Variants in STK40 observed in about 807,000 individuals in gnomAD.
STK40 encodes serine/threonine kinase 40, also known as serine/threonine-protein kinase 40.
A neutral mutation model predicts 47.9 loss-of-function variants in STK40; 13 were observed. That is an observed-to-expected ratio of 0.27 (90% CI 0.18 to 0.43). The LOEUF (loss-of-function observed/expected upper bound fraction) is 0.43. Among genes scored for constraint, STK40 ranks in the 20% least tolerant of loss-of-function variants. The pLI is 1.00. For missense variants in STK40, 460 were observed against 595.1 expected, an observed-to-expected ratio of 0.77 and a Z score of 2.36; for synonymous variants, 225 against 243.2, an observed-to-expected ratio of 0.93 and a Z score of 0.69.
intron 1 of STK40, among the ~76,000 whole-genome samples, chr1:36,381,485 C>T (rs1647038759): frequency 6.6e-6 from 1 of 152,038 alleles, no homozygotes; most frequent in South Asian, 2.1e-4. Context: ...CGATCCAATT[C>T]AAGTTCTTTT....
At position 36,343,969 on chromosome 1, in the gene STK40, C is replaced by T. The variant is rs1646677090; in HGVS notation, c.895G>A (p.Val299Ile). 5.6e-6 allele frequency: 9 copies of T among 1,602,770 alleles called. No individual in the cohort carries two copies. The highest frequency in any genetic ancestry group is 6.8e-6 in the Non-Finnish European group (8 of 1,171,842). The part of the protein sequence containing the change: ...AEYTIPEDGR[V>I]SENTVCLIRK... ...ATGAGACACACGGTGTTCTCAGAAACCCGTCCATCCCTGAGGCAGGGAGTT... is the reference window on the plus strand; with the variant it reads ...ATGAGACACACGGTGTTCTCAGAAATCCGTCCATCCCTGAGGCAGGGAGTT... Residue 299 changes from valine (V) to isoleucine (I), a missense_variant, in exon 9 of 11, where the codon GTT (valine) becomes ATT (isoleucine). Transcript: ENST00000373132.
chr1:36,355,165 T>C (rs773068664), intron 5 of STK40, 41 bp downstream of exon 5: 3 of 1,601,272 alleles, frequency 1.9e-6, no homozygotes, highest in East Asian at 2.2e-5. Flanking sequence ...GAAAGGTGGC[T>C]TTCTGTGGCC....
intron 4 of STK40, among the ~76,000 whole-genome samples, 166 bp downstream of exon 4, chr1:36,358,073 C>G (rs552238370): frequency 6.6e-6 from 1 of 152,342 alleles, no homozygotes; most frequent in African/African-American, 2.4e-5. Context: ...CCCAGCCTGA[C>G]TTCCAGCCCA....
At chr1:36,377,743 A>G (rs893941495) in intron 1 of STK40, among the ~76,000 whole-genome samples, 1 of 152,174 alleles carries the variant, frequency 6.6e-6, no homozygotes, top group Non-Finnish European at 1.5e-5. Flanking sequence ...ATAGGCTGCA[A>G]ACATGCCTAT....
intron 4 of STK40, among the ~76,000 whole-genome samples, chr1:36,357,761 T>A (rs1198665276): frequency 6.6e-6 from 1 of 152,016 alleles, no homozygotes; most frequent in East Asian, 1.9e-4. Flanking sequence ...GGACTACAGG[T>A]GTGCGCCGCC....
chr1:36,346,988 A>G (rs1236890762), intron 7 of STK40, among the ~76,000 whole-genome samples: 1 of 152,184 alleles, frequency 6.6e-6, no homozygotes, highest in African/African-American at 2.4e-5. Flanking sequence ...CCCAGGAGTT[A>G]GGGTATACCC....
chr1:36,358,959 TCTC>T (rs1646829216), intron 2 of STK40, 137 bp from the exon 3 acceptor site: 16 of 872,092 alleles, frequency 1.8e-5, no homozygotes, highest in Non-Finnish European at 2.6e-5. Flanking sequence ...CCCTCCAAGG[TCTC>T]CTGGTGGAGA....
chr1:36,344,490 C>A (rs1348553130), intron 7 of STK40, among the ~76,000 whole-genome samples: 3 of 152,228 alleles, frequency 2.0e-5, no homozygotes, highest in Non-Finnish European at 2.9e-5. Flanking sequence ...CCTGCCCCGC[C>A]CGGCCAGATG....
At chr1:36,364,212 TG>T (rs1646882028) in intron 1 of STK40, among the ~76,000 whole-genome samples, 1 of 152,186 alleles carries the variant, frequency 6.6e-6, no homozygotes, top group Non-Finnish European at 1.5e-5. Context: ...TGTCTCCCTC[TG>T]GATAAATTCC....
chr1:36,362,907 A>G (rs1351213555), intron 1 of STK40, among the ~76,000 whole-genome samples: 1 of 152,136 alleles, frequency 6.6e-6, no homozygotes, highest in African/African-American at 2.4e-5. Context: ...TTTAATCCCA[A>G]CACTTAGGGA....
chr1:36,356,356 G>A (rs948656478), intron 4 of STK40, among the ~76,000 whole-genome samples: 1 of 151,896 alleles, frequency 6.6e-6, no homozygotes, highest in African/African-American at 2.4e-5. Flanking sequence ...GTCATGCGGG[G>A]TAGACTGACT....
At chr1:36,380,358 C>A (rs562276196) in intron 1 of STK40, among the ~76,000 whole-genome samples, 1 of 152,336 alleles carries the variant, frequency 6.6e-6, no homozygotes, top group East Asian at 1.9e-4. Flanking sequence ...TCACTATAGT[C>A]CAATCCAGCT....
At chr1:36,372,441 A>G (rs1275990912) in intron 1 of STK40, among the ~76,000 whole-genome samples, 2 of 151,336 alleles carry the variant, frequency 1.3e-5, no homozygotes, top group African/African-American at 4.9e-5. Context: ...AAAAAAAAAA[A>G]AAAAAAAGAA....
chr1:36,373,768 T>C (rs1646969034), intron 1 of STK40, among the ~76,000 whole-genome samples: 1 of 152,232 alleles, frequency 6.6e-6, no homozygotes, highest in Non-Finnish European at 1.5e-5. Flanking sequence ...CTCCAATTTG[T>C]CAAGAATACA....
chr1:36,342,099 C>T (rs1646654633), intron 10 of STK40, 126 bp from the exon 11 acceptor site: 1 of 911,354 alleles, frequency 1.1e-6, no homozygotes, highest in Admixed American at 2.4e-5. Context: ...GCACCACACC[C>T]TCAGGCCTCA....
intron 8 of STK40, 26 bp from the exon 9 acceptor site, chr1:36,344,005 G>T: frequency 1.9e-6 from 3 of 1,597,070 alleles, no homozygotes; most frequent in Non-Finnish European, 2.6e-6. Context: ...GGGGAGGAGG[G>T]CTCAGTGGGT....
At chr1:36,361,473 G>A (rs1646851922) in intron 1 of STK40, 133 bp from the exon 2 acceptor site, 14 of 1,469,598 alleles carry the variant, frequency 9.5e-6, no homozygotes, top group Non-Finnish European at 5.4e-6. Context: ...CCTGCTACCA[G>A]GGGAGCATCC....
chr1:36,351,068 G>A (rs948428626), intron 6 of STK40, among the ~76,000 whole-genome samples: 8 of 152,176 alleles, frequency 5.3e-5, no homozygotes, highest in South Asian at 4.1e-4. Flanking sequence ...CAGTAGGATC[G>A]GCTCTGAGTG....
chr1:36,346,596 C>T (rs536769434), intron 7 of STK40, among the ~76,000 whole-genome samples: 15 of 152,300 alleles, frequency 9.8e-5, no homozygotes, highest in Non-Finnish European at 2.1e-4. Flanking sequence ...GATTGGAGGC[C>T]GTGATCACAC....
Sources: allele counts gnomAD v4.1 joint callset (sites outside exome capture counted in the v4.1 genomes callset), GRCh38; gene constraint gnomAD v4.1.1; transcripts MANE v1.5; gene names NCBI Gene and HGNC (gene_info 2026-07-23, HGNC 2026-07-21).